Variants in CADM1 observed in about 807,000 individuals in gnomAD.
CADM1 encodes TSLC-1.
CADM1 carries 15 observed loss-of-function variants against 53.1 expected under a neutral mutation model. The observed-to-expected ratio is 0.28, with a 90% CI of 0.19 to 0.44. CADM1 has a LOEUF of 0.44. Ranked by LOEUF, CADM1 falls within the 20% of genes least tolerant of loss-of-function variation. CADM1 has a pLI of 1.00. For synonymous variants in CADM1, 281 were observed against 243.0 expected, an observed-to-expected ratio of 1.16 and a Z score of -1.45; for missense variants, 434 against 611.3, an observed-to-expected ratio of 0.71 and a Z score of 3.06.
chr11:115,445,817 C>A (rs774609762), intron 1 of CADM1: 26 of 449,286 alleles, frequency 5.8e-5, no homozygotes, highest in Non-Finnish European at 8.9e-6. Context: ...CGCACTCCAG[C>A]CTGGGTGATG....
intron 1 of CADM1, among the ~76,000 whole-genome samples, chr11:115,344,427 T>C (rs1379344078): frequency 1.3e-5 from 2 of 152,212 alleles, no homozygotes; most frequent in Non-Finnish European, 2.9e-5. Context: ...TGATTCTTAG[T>C]ACTTCTCCCA....
At chr11:115,286,427 A>G (rs1434642661) in intron 1 of CADM1, among the ~76,000 whole-genome samples, 1 of 152,226 alleles carries the variant, frequency 6.6e-6, no homozygotes, top group Admixed American at 6.5e-5. Context: ...GTTAAGGCTC[A>G]GGGCATTCAG....
intron 1 of CADM1, among the ~76,000 whole-genome samples, chr11:115,371,823 T>TG (rs1555074688): frequency 4.6e-5 from 7 of 151,844 alleles, no homozygotes; most frequent in African/African-American, 1.5e-4. Flanking sequence ...TTTTTTTAAG[T>TG]AGACCCAACT....
chr11:115,344,788 T>C (rs964609311), intron 1 of CADM1, among the ~76,000 whole-genome samples: 1 of 152,220 alleles, frequency 6.6e-6, no homozygotes, highest in Non-Finnish European at 1.5e-5. Flanking sequence ...TCAGACTCTT[T>C]GATACAAGTC....
chr11:115,186,451 T>A (rs559488960), intron 10 of CADM1, among the ~76,000 whole-genome samples: 4 of 152,174 alleles, frequency 2.6e-5, no homozygotes, highest in African/African-American at 9.6e-5. Flanking sequence ...GCACAGTGAA[T>A]TGAAAAGGGT....
intron 1 of CADM1, among the ~76,000 whole-genome samples, chr11:115,381,398 T>C (rs187704804): frequency 2.0e-5 from 3 of 151,970 alleles, no homozygotes; most frequent in East Asian, 3.9e-4. Flanking sequence ...GTCAACTCTA[T>C]TCTAACTACA....
intron 1 of CADM1, among the ~76,000 whole-genome samples, chr11:115,400,606 A>ATATATAATATAT (rs1266352992): frequency 3.6e-5 from 5 of 137,216 alleles, no homozygotes; most frequent in Admixed American, 7.5e-5. Context: ...TCATATATAT[A>ATATATAATATAT]ATATATATCT....
chr11:115,224,746 C>T (rs944306119), intron 5 of CADM1, among the ~76,000 whole-genome samples: 1 of 152,168 alleles, frequency 6.6e-6, no homozygotes, highest in African/African-American at 2.4e-5. Flanking sequence ...TGTGTTGCCA[C>T]CTTGATGCTA....
chr11:115,441,758 C>T (rs1273001125), intron 1 of CADM1, among the ~76,000 whole-genome samples: 2 of 152,112 alleles, frequency 1.3e-5, no homozygotes, highest in Non-Finnish European at 2.9e-5. Context: ...TCCCCAAACC[C>T]TGCATCAGGC....
At chr11:115,293,350 G>A (rs977019712) in intron 1 of CADM1, among the ~76,000 whole-genome samples, 9 of 152,084 alleles carry the variant, frequency 5.9e-5, no homozygotes, top group African/African-American at 1.9e-4. Context: ...GGAGAATGGC[G>A]TGAACCCGGC....
chr11:115,408,490 G>A (rs755547430), intron 1 of CADM1, among the ~76,000 whole-genome samples: 74 of 152,282 alleles, frequency 4.9e-4, no homozygotes, highest in Admixed American at 8.5e-4. Context: ...GATGTGGAGC[G>A]GCCAAAAGCT....
intron 1 of CADM1, among the ~76,000 whole-genome samples, chr11:115,352,609 G>A (rs1211582252): frequency 2.0e-5 from 3 of 152,148 alleles, no homozygotes; most frequent in Non-Finnish European, 4.4e-5. Flanking sequence ...CAAAGAATAT[G>A]TGTTTCTTAG....
At chr11:115,309,077 T>C (rs920898546) in intron 1 of CADM1, among the ~76,000 whole-genome samples, 2 of 152,034 alleles carry the variant, frequency 1.3e-5, no homozygotes, top group African/African-American at 4.8e-5. Context: ...AACCAATAAT[T>C]TGGGGTTTCA....
At chr11:115,222,024 C>A (rs1941425415) in intron 5 of CADM1, among the ~76,000 whole-genome samples, 1 of 152,184 alleles carries the variant, frequency 6.6e-6, no homozygotes, top group African/African-American at 2.4e-5. Flanking sequence ...GGGACACAGG[C>A]TCTTCTTCAT....
intron 6 of CADM1, among the ~76,000 whole-genome samples, chr11:115,216,546 A>G (rs1941193256): frequency 6.6e-6 from 1 of 152,234 alleles, no homozygotes; most frequent in South Asian, 2.1e-4. Context: ...CTGTTTACAA[A>G]AAGAAAGATC....
intron 5 of CADM1, among the ~76,000 whole-genome samples, chr11:115,220,545 C>T (rs1199672448): frequency 3.3e-5 from 5 of 152,138 alleles, no homozygotes; most frequent in East Asian, 1.9e-4. Context: ...CCACAGTTAC[C>T]GTAATAGCTG....
chr11:115,277,733 T>C (rs1020783273), intron 1 of CADM1, among the ~76,000 whole-genome samples: 1 of 152,200 alleles, frequency 6.6e-6, no homozygotes, highest in South Asian at 2.1e-4. Context: ...TGACTAGGCA[T>C]TTAGTATAGA....
intron 10 of CADM1, among the ~76,000 whole-genome samples, chr11:115,180,705 G>C (rs2134594319): frequency 6.6e-6 from 1 of 152,148 alleles, no homozygotes; most frequent in African/African-American, 2.4e-5. Flanking sequence ...CTGGACACGG[G>C]GTGTCTGCTG....
chr11:115,447,527 C>T (rs535021818), intron 1 of CADM1, among the ~76,000 whole-genome samples: 16 of 152,126 alleles, frequency 1.1e-4, no homozygotes, highest in African/African-American at 2.4e-4. Context: ...CCTTTACCCT[C>T]GGACACAAGG....
Sources: allele counts gnomAD v4.1 joint callset (sites outside exome capture counted in the v4.1 genomes callset), GRCh38; gene constraint gnomAD v4.1.1; transcripts MANE v1.5; gene names NCBI Gene and HGNC (gene_info 2026-07-23, HGNC 2026-07-21).